Variants in BCOR observed in about 807,000 individuals in gnomAD.
BCOR encodes the protein BCL6 corepressor.
In BCOR, 10 loss-of-function variants were observed where a neutral mutation model predicts 86.7. That is an observed-to-expected ratio of 0.12 (90% CI 0.07 to 0.20). BCOR has a LOEUF of 0.20. Ranked by LOEUF, BCOR falls within the 10% of genes least tolerant of loss-of-function variation. The probability of loss-of-function intolerance (pLI) is 1.00; values close to 1 mark genes in which losing one functional copy is unlikely to be tolerated. For synonymous variants in BCOR, 611 were observed against 609.0 expected, an observed-to-expected ratio of 1.00 and a Z score of -0.05; for missense variants, 1,259 against 1,452.1, an observed-to-expected ratio of 0.87 and a Z score of 2.16.
chrX:40,171,448 T>A (rs1006831095), intron 1 of BCOR, among the ~76,000 whole-genome samples: 3 of 109,898 alleles, frequency 2.7e-5, no homozygotes, highest in African/African-American at 9.9e-5. Context: ...GCGGCTGGAT[T>A]AGTCCCGGGT....
upstream of BCOR, among the ~76,000 whole-genome samples, chrX:40,101,245 G>A (rs1937068449): frequency 9.0e-6 from 1 of 111,456 alleles, no homozygotes; most frequent in Non-Finnish European, 1.9e-5. Flanking sequence ...CGGCGGTTTG[G>A]CCCTTCTCCT....
chrX:40,134,484 G>A (rs767991841), intron 1 of BCOR, among the ~76,000 whole-genome samples: 18 of 110,741 alleles, frequency 1.6e-4, no homozygotes, highest in Non-Finnish European at 2.8e-4. Flanking sequence ...TTGGCTGGGT[G>A]TAGTGGCGCA....
At chrX:40,105,121 G>A (rs1305603561) in intron 1 of BCOR, among the ~76,000 whole-genome samples, 1 of 111,297 alleles carries the variant, frequency 9.0e-6, no homozygotes, top group African/African-American at 3.2e-5. Flanking sequence ...GCGGCGGCGA[G>A]GAGGGGGTGC....
At position 40,062,393 on chromosome X, in the gene BCOR, C is replaced by T. The variant is rs1934932500; in HGVS notation, c.4174G>A (p.Val1392Met). ...CGCTTTCTGAATCTCCGGACAGTCA[C>T]CTATCATAAAACCAAGCAGCGCACA... is the stretch of plus-strand genomic sequence containing the variant. Reference protein sequence around the residue: ...EYYVENADGKVTVRRFRKRPE... With the variant: ...EYYVENADGKMTVRRFRKRPE... Residue 1392 changes from valine (V) to methionine (M), a missense_variant and splice_region_variant, in exon 10 of 15, where the codon GTG becomes ATG. By Grantham distance (21) the Val-to-Met change is conservative (BLOSUM62 1). Coordinates refer to ENST00000378444, the MANE Select transcript of BCOR (RefSeq NM_001123385.2). 2.5e-6 allele frequency: 3 copies of T among 1,203,065 alleles called. No individual in the cohort carries two copies. Among genetic ancestry groups the T allele is most frequent in the Non-Finnish European group, 3.4e-6 (3 of 891,412 alleles).
At chrX:40,124,993 TCAGA>T (rs1419156647) in intron 1 of BCOR, among the ~76,000 whole-genome samples, 3 of 80,788 alleles carry the variant, frequency 3.7e-5, no homozygotes, top group Non-Finnish European at 6.8e-5. Flanking sequence ...GAGTGTTGGG[TCAGA>T]CAGAGGATGG....
At chrX:40,131,716 A>T (rs939797229) in intron 1 of BCOR, among the ~76,000 whole-genome samples, 2 of 111,590 alleles carry the variant, frequency 1.8e-5, no homozygotes, top group Admixed American at 9.5e-5. Context: ...GTAGACATGA[A>T]CAACTGCAAG....
intron 6 of BCOR, among the ~76,000 whole-genome samples, chrX:40,066,374 T>C (rs746366682): frequency 1.8e-5 from 2 of 111,624 alleles, no homozygotes; most frequent in Non-Finnish European, 3.8e-5. Context: ...CTCGAGTTGC[T>C]CTGTGTCTTA....
intron 1 of BCOR, among the ~76,000 whole-genome samples, chrX:40,104,876 G>C (rs1937141937): frequency 8.9e-6 from 1 of 112,024 alleles, no homozygotes; most frequent in African/African-American, 3.2e-5. Flanking sequence ...TAGTCAGCCC[G>C]AGTTCCCCTC....
chrX:40,165,083 G>A (rs1938487302), intron 1 of BCOR, among the ~76,000 whole-genome samples: 1 of 111,495 alleles, frequency 9.0e-6, no homozygotes, highest in African/African-American at 3.3e-5. Flanking sequence ...ACCGAGGAGG[G>A]GAATGGGGAG....
chrX:40,096,478 A>T (rs1422266807), intron 1 of BCOR, among the ~76,000 whole-genome samples: 5 of 111,697 alleles, frequency 4.5e-5, no homozygotes, highest in Non-Finnish European at 9.4e-5. Context: ...CGGGCGGGCC[A>T]AGTCGGAACC....
intron 1 of BCOR, among the ~76,000 whole-genome samples, chrX:40,130,011 G>A (rs1381778192): frequency 1.8e-5 from 2 of 110,897 alleles, no homozygotes; most frequent in African/African-American, 3.3e-5. Context: ...GCAACAGAGC[G>A]AGACTCCATC....
At chrX:40,122,145 C>T (rs1004909514) in intron 1 of BCOR, among the ~76,000 whole-genome samples, 11 of 111,459 alleles carry the variant, frequency 9.9e-5, no homozygotes, top group African/African-American at 3.6e-4. Context: ...TACTTGGGGC[C>T]GGACACCCCT....
At chrX:40,118,186 A>G (rs918176421) in intron 1 of BCOR, among the ~76,000 whole-genome samples, 33 of 109,046 alleles carry the variant, frequency 3.0e-4, no homozygotes, top group African/African-American at 1.1e-3. Context: ...AACCCTTCTG[A>G]CCTTTCTGTC....
At chrX:40,150,209 A>G (rs1173865324) in intron 1 of BCOR, among the ~76,000 whole-genome samples, 1 of 112,472 alleles carries the variant, frequency 8.9e-6, no homozygotes, top group Non-Finnish European at 1.9e-5. Flanking sequence ...GTGAAGGAGA[A>G]TAAACATCTT....
At position 40,072,430 on chromosome X, in the gene BCOR, G is replaced by A. The variant is rs370067698; in HGVS notation, c.2916C>T (p.Tyr972=). ...LAKRIANSAG[Y]VGDRFKCVTT... ...TGACACATTTGAATCGGTCACCCAC[G>A]TAACCCGCTGAGTTGGCGATTCTCT... Residue 972 remains tyrosine (Y), a synonymous_variant, in exon 4 of 15, where the codon TAC becomes TAT. Transcript: ENST00000378444. 4.2e-5 allele frequency: 51 copies of A among 1,209,202 alleles called. No homozygotes were observed. The highest frequency in any genetic ancestry group is 5.2e-5 in the African/African-American group (3 of 57,241).
chrX:40,135,344 A>C (rs1450288695), intron 1 of BCOR, among the ~76,000 whole-genome samples: 1 of 110,356 alleles, frequency 9.1e-6, no homozygotes, highest in Non-Finnish European at 1.9e-5. Context: ...AAACCCCTGT[A>C]GGAAGAAAGG....
At chrX:40,134,265 C>T (rs1170968956) in intron 1 of BCOR, among the ~76,000 whole-genome samples, 1 of 109,801 alleles carries the variant, frequency 9.1e-6, no homozygotes, top group Non-Finnish European at 1.9e-5. Flanking sequence ...AGAGAGGGGT[C>T]AGGGGACTTG....
chrX:40,093,401 G>A (rs1340913315), intron 1 of BCOR, among the ~76,000 whole-genome samples: 1 of 111,914 alleles, frequency 8.9e-6, no homozygotes. Context: ...CTTAAAGAAA[G>A]GAAGAGGAGG....
At chrX:40,131,729 A>C (rs1038024689) in intron 1 of BCOR, among the ~76,000 whole-genome samples, 6 of 111,673 alleles carry the variant, frequency 5.4e-5, no homozygotes, top group African/African-American at 2.0e-4. Flanking sequence ...ACTGCAAGCG[A>C]CTGGAGACCT....
Sources: allele counts gnomAD v4.1 joint callset (sites outside exome capture counted in the v4.1 genomes callset), GRCh38; gene constraint gnomAD v4.1.1; transcripts MANE v1.5; gene names NCBI Gene and HGNC (gene_info 2026-07-23, HGNC 2026-07-21).